GRID1: variants seen among roughly 807,000 people sequenced by gnomAD.
The protein encoded by GRID1 is glutamate receptor ionotropic, delta-1.
GRID1 carries 28 observed loss-of-function variants against 98.0 expected under a neutral mutation model. That is an observed-to-expected ratio of 0.29 (90% CI 0.21 to 0.39). GRID1 has a LOEUF of 0.39. Ranked by LOEUF, GRID1 falls within the 10% of genes least tolerant of loss-of-function variation. GRID1 has a pLI of 1.00. For synonymous variants in GRID1, 553 were observed against 538.5 expected, an observed-to-expected ratio of 1.03 and a Z score of -0.37; for missense variants, 1,111 against 1,340.5, an observed-to-expected ratio of 0.83 and a Z score of 2.67.
Position 85,926,049 on chromosome 10 carries a change from G to A in GRID1, c.727-9810C>T, listed in dbSNP as rs140389158. 3.2e-4 allele frequency among the ~76,000 whole-genome samples: 49 copies of A among 152,298 alleles called. No homozygotes were observed. In the East Asian group the frequency reaches 8.1e-3, roughly 25 times the overall value. On this transcript the variant is annotated intron_variant, in intron 4 of 15. Transcript: ENST00000327946. Reference sequence around the variant, plus strand: ...TACGAGCCTGACTTTTTGGAGAATGGAATAGAAAGAAAAATATCTGCTTTT... The same window carrying A: ...TACGAGCCTGACTTTTTGGAGAATGAAATAGAAAGAAAAATATCTGCTTTT...
chr10:86,114,974 C>G (rs1201294654), intron 4 of GRID1, among the ~76,000 whole-genome samples: 1 of 152,206 alleles, frequency 6.6e-6, no homozygotes, highest in Non-Finnish European at 1.5e-5. Context: ...CTCCTGGGAT[C>G]CAGTATTGGC....
At chr10:85,699,630 A>C (rs959912083) in intron 12 of GRID1, among the ~76,000 whole-genome samples, 1 of 152,238 alleles carries the variant, frequency 6.6e-6, no homozygotes, top group Non-Finnish European at 1.5e-5. Flanking sequence ...ATACAAAATT[A>C]AAAATCAGAG....
intron 4 of GRID1, among the ~76,000 whole-genome samples, chr10:86,085,512 G>T (rs180754909): frequency 6.6e-6 from 1 of 152,266 alleles, no homozygotes; most frequent in East Asian, 1.9e-4. Flanking sequence ...CTCTCCAAGA[G>T]TCCTGGTGCT....
At chr10:85,636,708 A>ATCT (rs1433265747) in intron 13 of GRID1, among the ~76,000 whole-genome samples, 7 of 152,214 alleles carry the variant, frequency 4.6e-5, no homozygotes, top group African/African-American at 1.4e-4. Context: ...TATTTTTTAA[A>ATCT]TCTTAAGATA....
intron 4 of GRID1, among the ~76,000 whole-genome samples, chr10:86,135,678 C>T (rs1398100283): frequency 1.3e-5 from 2 of 152,158 alleles, no homozygotes; most frequent in East Asian, 3.9e-4. Flanking sequence ...AACTCTTCCA[C>T]TCACCCACTC....
At chr10:85,923,383 T>C (rs1841732214) in intron 4 of GRID1, among the ~76,000 whole-genome samples, 1 of 152,056 alleles carries the variant, frequency 6.6e-6, no homozygotes, top group East Asian at 1.9e-4. Flanking sequence ...AAACCACAGC[T>C]CTGGGGGAGG....
intron 4 of GRID1, among the ~76,000 whole-genome samples, chr10:86,106,808 G>C (rs971300898): frequency 6.6e-6 from 1 of 152,152 alleles, no homozygotes; most frequent in African/African-American, 2.4e-5. Context: ...TCCGGGAATG[G>C]GCAGGCTCCA....
At chr10:85,695,908 A>G (rs1352618204) in intron 12 of GRID1, among the ~76,000 whole-genome samples, 1 of 152,162 alleles carries the variant, frequency 6.6e-6, no homozygotes, top group Non-Finnish European at 1.5e-5. Flanking sequence ...GCTATTATGG[A>G]CACAGCTCAG....
At chr10:85,911,579 T>C (rs1841539428) in intron 5 of GRID1, among the ~76,000 whole-genome samples, 1 of 152,224 alleles carries the variant, frequency 6.6e-6, no homozygotes, top group Non-Finnish European at 1.5e-5. Flanking sequence ...GCAAAGGTTA[T>C]GTGTGCATAC....
intron 8 of GRID1, among the ~76,000 whole-genome samples, chr10:85,768,917 C>T (rs895205278): frequency 6.6e-6 from 1 of 152,198 alleles, no homozygotes; most frequent in Non-Finnish European, 1.5e-5. Flanking sequence ...TATTCTCACA[C>T]ACTTGTGAAT....
chr10:85,844,922 C>G (rs1842992602), intron 8 of GRID1, among the ~76,000 whole-genome samples: 3 of 151,868 alleles, frequency 2.0e-5, no homozygotes, highest in African/African-American at 7.2e-5. Flanking sequence ...TATTAGTAGA[C>G]TAGGAATTCA....
At chr10:85,604,851 A>G (rs1842638991) in intron 15 of GRID1, among the ~76,000 whole-genome samples, 1 of 152,228 alleles carries the variant, frequency 6.6e-6, no homozygotes, top group African/African-American at 2.4e-5. Context: ...GCCACTCAGC[A>G]TCAATGATCT....
chr10:86,115,451 C>T (rs1022272275), intron 4 of GRID1, among the ~76,000 whole-genome samples: 4 of 152,234 alleles, frequency 2.6e-5, no homozygotes, highest in East Asian at 1.9e-4. Flanking sequence ...ATGTTAAACA[C>T]GATAGCAGCT....
chr10:86,213,777 G>A (rs1846138205), intron 2 of GRID1, among the ~76,000 whole-genome samples: 1 of 151,140 alleles, frequency 6.6e-6, no homozygotes, highest in Non-Finnish European at 1.5e-5. Context: ...TCCACTTAAT[G>A]AGTCCCTTGG....
At chr10:85,622,029 G>A (rs1244589240) in intron 13 of GRID1, among the ~76,000 whole-genome samples, 1 of 152,152 alleles carries the variant, frequency 6.6e-6, no homozygotes, top group African/African-American at 2.4e-5. Flanking sequence ...TACATTTCAA[G>A]TGATGCTCCA....
At chr10:85,778,926 T>C (rs1458902455) in intron 8 of GRID1, among the ~76,000 whole-genome samples, 2 of 151,990 alleles carry the variant, frequency 1.3e-5, no homozygotes, top group African/African-American at 4.8e-5. Flanking sequence ...GAGTGTGGAA[T>C]AAAGACAGCA....
chr10:86,027,324 T>C (rs539752160), intron 4 of GRID1, among the ~76,000 whole-genome samples: 2 of 152,332 alleles, frequency 1.3e-5, no homozygotes, highest in African/African-American at 2.4e-5. Flanking sequence ...TTCTGGACAT[T>C]TCATATTAAT....
intron 2 of GRID1, among the ~76,000 whole-genome samples, chr10:86,362,665 AC>A (rs1362209999): frequency 6.6e-6 from 1 of 151,386 alleles, no homozygotes; most frequent in Non-Finnish European, 1.5e-5. Flanking sequence ...AGAATAGGAG[AC>A]CCCCAGAATT....
At chr10:86,164,666 G>A (rs1845372309) in intron 3 of GRID1, among the ~76,000 whole-genome samples, 1 of 152,226 alleles carries the variant, frequency 6.6e-6, no homozygotes, top group Admixed American at 6.5e-5. Context: ...TTAAGCCAAG[G>A]CATGGAGGAG....
Sources: allele counts gnomAD v4.1 joint callset (sites outside exome capture counted in the v4.1 genomes callset), GRCh38; gene constraint gnomAD v4.1.1; transcripts MANE v1.5; gene names NCBI Gene and HGNC (gene_info 2026-07-23, HGNC 2026-07-21).